Variants in ZC3H3 observed in about 807,000 individuals in gnomAD.
ZC3H3 encodes the protein zinc finger CCCH-type containing 3, also known as zinc finger CCCH domain-containing protein 3.
In ZC3H3, 36 loss-of-function variants were observed where a neutral mutation model predicts 77.3. The ratio of observed to expected loss-of-function variants is 0.47; its 90% confidence interval spans 0.36 to 0.61. ZC3H3 has a LOEUF of 0.61. Among genes scored for constraint, ZC3H3 ranks in the 20% least tolerant of loss-of-function variants. ZC3H3 has a pLI of 0.00. For synonymous variants in ZC3H3, 626 were observed against 555.2 expected (o/e 1.13, Z -1.79); for missense variants, 1,331 against 1,312.2 (o/e 1.01, Z -0.22).
At chr8:143,468,018 C>T (rs555287211) in intron 8 of ZC3H3, among the ~76,000 whole-genome samples, 191 bp downstream of exon 8, 3 of 152,294 alleles carry the variant, frequency 2.0e-5, no homozygotes, top group East Asian at 3.9e-4. Flanking sequence ...CGCTGCTTTC[C>T]GGGGAAGAGG....
chr8:143,453,115 G>A (rs7009039), intron 9 of ZC3H3, among the ~76,000 whole-genome samples: 91,062 of 151,962 alleles, frequency 0.6, 27,490 homozygotes, highest in Middle Eastern at 0.65. Context: ...TTTGAGACAG[G>A]GTCTCACTCT....
rs181436413 is a variant in ZC3H3, at chr8:143,534,116, C to A, written c.1561+2141G>T. ...CTAGGCAACAAAGCAAGACCCTGTCCCTACAAAAAAATTAAAAATTAGCCA... is the reference window on the plus strand; with the variant it reads ...CTAGGCAACAAAGCAAGACCCTGTCACTACAAAAAAATTAAAAATTAGCCA... On this transcript the variant is annotated intron_variant, in intron 3 of 11. Coordinates refer to ENST00000262577, the MANE Select transcript of ZC3H3 (RefSeq NM_015117.3). Among the ~76,000 whole-genome samples, 916 of 151,946 alleles carry A rather than the reference C, an allele frequency of 6.0e-3. 5 individuals carry two copies. The highest frequency in any genetic ancestry group is 9.7e-3 in the Non-Finnish European group (658 of 67,948).
At chr8:143,536,207 C>A in intron 3 of ZC3H3, 50 bp downstream of exon 3, 1 of 1,563,522 alleles carries the variant, frequency 6.4e-7, no homozygotes, top group Non-Finnish European at 8.6e-7. Flanking sequence ...CCAGCATATC[C>A]CATCAGGCAG....
In ZC3H3 at chr8:143,538,046, C is replaced by T. The variant is rs1563889382; in HGVS notation, c.1321G>A (p.Val441Met). The T allele has an allele frequency of 1.9e-6, 3 of 1,612,058 alleles. No homozygotes were observed. The South Asian group carries it at 3.3e-5, about 18-fold the overall frequency. ...SGETPLSAYK[V>M]KSRTKIIRRR... ...CGGATGATCTTGGTGCGGCTCTTCA[C>T]TTTGTAAGCCGAGAGCGGGGTCTCC... is the stretch of plus-strand genomic sequence containing the variant. The change falls in exon 2 of 12, where the codon GTG becomes ATG. Residue 441 changes from valine to methionine, a missense_variant. Physicochemically the swap from Val to Met is conservative, Grantham distance 21. Transcript: ENST00000262577.
chr8:143,442,763 A>G (rs1819779884), intron 9 of ZC3H3, among the ~76,000 whole-genome samples: 1 of 152,202 alleles, frequency 6.6e-6, no homozygotes, highest in Non-Finnish European at 1.5e-5. Flanking sequence ...AATAATGTAA[A>G]ATGCACATTT....
chr8:143,498,696 AC>A (rs1332106884), intron 4 of ZC3H3, among the ~76,000 whole-genome samples: 1 of 137,148 alleles, frequency 7.3e-6, no homozygotes, highest in Non-Finnish European at 1.5e-5. Context: ...GGGGATGGGA[AC>A]CGGGGGCAGA....
rs571310244 is a variant in ZC3H3, at chr8:143,532,377, G to A, written c.1561+3880C>T. 1.4e-3 allele frequency among the ~76,000 whole-genome samples: 206 copies of A among 152,396 alleles called. 1 individual carries two copies. The highest frequency in any genetic ancestry group is 4.9e-3 in the African/African-American group (202 of 41,592). On this transcript the variant is annotated intron_variant, in intron 3 of 11. Coordinates refer to ENST00000262577, the MANE Select transcript of ZC3H3 (RefSeq NM_015117.3). ...GCTTTCAGAAGCCCCTGTCCCTGGTGCATAAGTCCACAGGGCAGTCGTCCC... is the reference window on the plus strand; with the variant it reads ...GCTTTCAGAAGCCCCTGTCCCTGGTACATAAGTCCACAGGGCAGTCGTCCC...
At chr8:143,450,408 T>A (rs1032314064) in intron 9 of ZC3H3, among the ~76,000 whole-genome samples, 2 of 152,220 alleles carry the variant, frequency 1.3e-5, no homozygotes, top group African/African-American at 4.8e-5. Context: ...CTTGAACTCC[T>A]GGCCTCAAGT....
chr8:143,505,519 C>T (rs1821662628), intron 4 of ZC3H3, among the ~76,000 whole-genome samples: 1 of 152,166 alleles, frequency 6.6e-6, no homozygotes, highest in Non-Finnish European at 1.5e-5. Context: ...CCATTCTTCC[C>T]AGGACTTCCT....
chr8:143,513,496 G>A (rs1821936685), intron 3 of ZC3H3, among the ~76,000 whole-genome samples: 1 of 152,212 alleles, frequency 6.6e-6, no homozygotes, highest in Non-Finnish European at 1.5e-5. Flanking sequence ...GTCCCGTCAG[G>A]CAGCGTCCCT....
Position 143,462,713 on chromosome 8 carries a change from C to T in ZC3H3, c.2307+3004G>A, listed in dbSNP as rs390308. ...GGGAAAACGGCAGCGCGGAGGCTCACGGAGCAGGCACTGCAGATGCAGGAG... is the reference window on the plus strand; with the variant it reads ...GGGAAAACGGCAGCGCGGAGGCTCATGGAGCAGGCACTGCAGATGCAGGAG... On this transcript the variant is annotated intron_variant, in intron 9 of 11. Transcript: ENST00000262577. This position sits in a 1 kb window ranked among gnomAD's most constrained non-coding sequence, Gnocchi z 4.7. Among the ~76,000 whole-genome samples, 145,984 of 152,316 alleles carry T rather than the reference C, an allele frequency of 0.96. 70,260 individuals carry two copies. The highest frequency in any genetic ancestry group is 1 in the East Asian group (5,183 of 5,184).
In ZC3H3 at chr8:143,468,549, G is replaced by C. The variant is rs559480750; in HGVS notation, c.1947-9C>G. ...TGCGCTGCACTGCCCGGCTGCAGAC[G>C]GGGAGAGAGGTGCGTGAGCCTGAGG... On this transcript the variant is annotated splice_polypyrimidine_tract_variant and intron_variant, in intron 6 of 11. Transcript: ENST00000262577. The C allele has an allele frequency of 3.1e-6, 5 of 1,605,336 alleles. No individual in the cohort carries two copies. Among genetic ancestry groups the C allele is most frequent in the African/African-American group, 1.3e-5 (1 of 74,716 alleles).
At chr8:143,479,194 C>T (rs1476299732) in intron 4 of ZC3H3, among the ~76,000 whole-genome samples, 1 of 152,214 alleles carries the variant, frequency 6.6e-6, no homozygotes, top group Non-Finnish European at 1.5e-5. Context: ...GTTGCCCTCA[C>T]CCCTGCCCTC....
chr8:143,537,997 G>A lies in ZC3H3; in HGVS notation c.1364+6C>T. On this transcript the variant is annotated splice_donor_region_variant and intron_variant, in intron 2 of 11. Transcript: ENST00000262577. ...ACACTCTACCGCAGCCGGCCGGGAT[G>A]CCCACCTTGTGCTGCTGCGTCTCCG... The A allele has an allele frequency of 6.3e-7, 1 of 1,592,040 alleles. No homozygotes were observed. The highest frequency in any genetic ancestry group is 8.6e-7 in the Non-Finnish European group (1 of 1,168,424).
intron 2 of ZC3H3, among the ~76,000 whole-genome samples, chr8:143,537,047 T>C (rs539439182): frequency 5.9e-5 from 9 of 151,860 alleles, no homozygotes; most frequent in Non-Finnish European, 1.3e-4. Context: ...GCCAGCAACC[T>C]AGACCAGACG....
At chr8:143,531,756 G>A (rs988908107) in intron 3 of ZC3H3, among the ~76,000 whole-genome samples, 5 of 152,108 alleles carry the variant, frequency 3.3e-5, no homozygotes, top group Non-Finnish European at 5.9e-5. Context: ...CGATGGCCAG[G>A]TTTTATATAC....
chr8:143,472,562 G>A (rs930375403), intron 5 of ZC3H3, among the ~76,000 whole-genome samples: 5 of 152,190 alleles, frequency 3.3e-5, no homozygotes, highest in African/African-American at 4.8e-5. Context: ...TGGGCCATCC[G>A]GGTGGTGGGC....
chr8:143,475,624 G>C (rs1329529670), intron 4 of ZC3H3, 39 bp from the exon 5 acceptor site: 3 of 1,534,522 alleles, frequency 2.0e-6, no homozygotes, highest in East Asian at 4.8e-5. Flanking sequence ...CTGGCCCCAG[G>C]ACAGACTACA....
intron 4 of ZC3H3, among the ~76,000 whole-genome samples, chr8:143,482,580 C>G (rs1820934929): frequency 1.3e-5 from 2 of 152,126 alleles, no homozygotes; most frequent in African/African-American, 4.8e-5. Flanking sequence ...TCAGCAGATA[C>G]AAGGAGTGGG....
Sources: allele counts gnomAD v4.1 joint callset (sites outside exome capture counted in the v4.1 genomes callset), GRCh38; gene constraint gnomAD v4.1.1; non-coding constraint Gnocchi (gnomAD v3.1); transcripts MANE v1.5; gene names NCBI Gene and HGNC (gene_info 2026-07-23, HGNC 2026-07-21).